The following ATF7IP variants were observed in gnomAD, a reference collection of about 807,000 sequenced individuals.
ATF7IP encodes activating transcription factor 7-interacting protein 1.
A neutral mutation model predicts 106.4 loss-of-function variants in ATF7IP; 23 were observed. The observed-to-expected ratio is 0.22, with a 90% CI of 0.16 to 0.31. ATF7IP has a LOEUF of 0.31. Among genes scored for constraint, ATF7IP ranks in the 10% least tolerant of loss-of-function variants. ATF7IP has a pLI of 1.00. For missense variants in ATF7IP, 1,334 were observed against 1,524.3 expected, an observed-to-expected ratio of 0.88 and a Z score of 2.08; for synonymous variants, 542 against 539.0, an observed-to-expected ratio of 1.01 and a Z score of -0.08.
At chr12:14,375,671 C>CTTT (rs1938710809) in intron 1 of ATF7IP, among the ~76,000 whole-genome samples, 1 of 152,172 alleles carries the variant, frequency 6.6e-6, no homozygotes, top group Non-Finnish European at 1.5e-5. Context: ...TGTCTCCTCT[C>CTTT]AGTGTTCTTT....
intron 1 of ATF7IP, among the ~76,000 whole-genome samples, chr12:14,407,491 T>A (rs976851368): frequency 6.6e-6 from 1 of 152,124 alleles, no homozygotes; most frequent in Non-Finnish European, 1.5e-5. Context: ...TTGTTTGACA[T>A]CTTTAGGAAT....
At chr12:14,369,354 TTTA>T (rs1444596618) in intron 1 of ATF7IP, 1 of 152,266 alleles carries the variant, frequency 6.6e-6, no homozygotes, top group South Asian at 2.1e-4. Flanking sequence ...TGTATTTTAT[TTTA>T]TTATTATTGT....
intron 3 of ATF7IP, among the ~76,000 whole-genome samples, chr12:14,435,082 TGAGA>T (rs1046740186): frequency 6.7e-6 from 1 of 148,534 alleles, no homozygotes; most frequent in Non-Finnish European, 1.5e-5. Context: ...AGTGACACCT[TGAGA>T]GAGAGAGAGA....
chr12:14,436,188 A>G lies in ATF7IP; in HGVS notation c.1728A>G (p.Glu576=). Residue 576 remains glutamate, a synonymous_variant, in exon 4 of 15, where the codon GAA becomes GAG. Coordinates refer to ENST00000261168, the MANE Select transcript of ATF7IP (RefSeq NM_018179.5). ...QSKRRRYMEE[E]YEAEFQVKIT... Reference sequence around the variant, plus strand: ...AACGTCGTCGATATATGGAAGAAGAATATGAGGCAGAATTTCAAGTAAAGA... The same window carrying G: ...AACGTCGTCGATATATGGAAGAAGAGTATGAGGCAGAATTTCAAGTAAAGA... 1 of 1,613,838 alleles carries G rather than the reference A, an allele frequency of 6.2e-7. No homozygotes were observed. Among genetic ancestry groups the G allele is most frequent in the Non-Finnish European group, 8.5e-7 (1 of 1,179,832 alleles).
At chr12:14,419,080 G>T (rs1591822564) in intron 1 of ATF7IP, 2 of 152,120 alleles carry the variant, frequency 1.3e-5, no homozygotes, top group East Asian at 1.9e-4. Context: ...GATGGTGATG[G>T]TTATACCATT....
rs1941739100 is a variant in ATF7IP, at chr12:14,424,627, G to A, written c.712G>A (p.Asp238Asn). 6.2e-7 allele frequency: 1 copy of A among 1,613,986 alleles called. No homozygotes were observed. The highest frequency in any genetic ancestry group is 1.3e-5 in the African/African-American group (1 of 74,886). The change falls in exon 2 of 15, where the codon GAT becomes AAT. Residue 238 changes from aspartate to asparagine, a missense_variant. Around this residue, in one of 10 missense-constraint regions of ATF7IP, gnomAD observed 438 missense variants for 405.3 expected, o/e 1.08. Coordinates refer to ENST00000261168, the MANE Select transcript of ATF7IP (RefSeq NM_018179.5). The stretch of plus-strand genomic sequence containing the variant: ...AGCCTCTAGTGAAATAACTTCTGTT[G>A]ATCTGGCTTCTGGAGCACCAGCTTC... ...DIASSEITSV[D>N]LASGAPASTD...
In ATF7IP at chr12:14,447,042, A is replaced by G. The variant is rs770819685; in HGVS notation, c.1984A>G (p.Lys662Glu). Residue 662 changes from lysine (K) to glutamate (E), a missense_variant, in exon 6 of 15, where the codon AAA (lysine) becomes GAA (glutamate). Coordinates refer to ENST00000261168, the MANE Select transcript of ATF7IP (RefSeq NM_018179.5). Reference protein sequence around the residue: ...RFEAAKEDLKKRHEHPPNPPV... With the variant: ...RFEAAKEDLKERHEHPPNPPV... ...TGAAGCAGCCAAAGAAGATCTTAAG[A>G]AAAGACATGAAGTAAAATTTTTCTA... is the stretch of plus-strand genomic sequence containing the variant. 6.3e-7 allele frequency: 1 copy of G among 1,595,612 alleles called. No homozygotes were observed. The highest frequency in any genetic ancestry group is 8.5e-7 in the Non-Finnish European group (1 of 1,173,284).
intron 7 of ATF7IP, 33 bp from the exon 8 acceptor site, chr12:14,457,174 T>G: frequency 6.5e-7 from 1 of 1,534,404 alleles, no homozygotes; most frequent in Non-Finnish European, 9.0e-7. Flanking sequence ...GTGGCATATC[T>G]ATTGACTATT....
chr12:14,378,382 G>T (rs778128160), intron 1 of ATF7IP, among the ~76,000 whole-genome samples: 8 of 152,196 alleles, frequency 5.3e-5, no homozygotes, highest in Non-Finnish European at 8.8e-5. Flanking sequence ...ACAGGCGTGA[G>T]TCACCATGCC....
chr12:14,410,118 A>T (rs1471590746), intron 1 of ATF7IP, among the ~76,000 whole-genome samples: 2 of 152,148 alleles, frequency 1.3e-5, no homozygotes, highest in African/African-American at 4.8e-5. Context: ...TTGGTAAGCC[A>T]CTTTCTGTCT....
At chr12:14,496,487 G>C (rs1945017238) in intron 14 of ATF7IP, 144 bp downstream of exon 14, 1 of 597,484 alleles carries the variant, frequency 1.7e-6, no homozygotes, top group African/African-American at 1.9e-5. Context: ...TCTAAAAATT[G>C]ATCTTACCAT....
intron 13 of ATF7IP, among the ~76,000 whole-genome samples, chr12:14,494,455 A>G (rs1035718269): frequency 5.8e-4 from 84 of 145,422 alleles, no homozygotes; most frequent in Non-Finnish European, 1.4e-4. Flanking sequence ...TTAAACTAAT[A>G]GGGTATATAC....
chr12:14,414,400 T>C (rs1941087386), intron 1 of ATF7IP, among the ~76,000 whole-genome samples: 1 of 152,236 alleles, frequency 6.6e-6, no homozygotes, highest in Non-Finnish European at 1.5e-5. Flanking sequence ...ACAGGCTGCA[T>C]AGAGCCCAGG....
chr12:14,366,533 C>T (rs1172334526), intron 1 of ATF7IP, among the ~76,000 whole-genome samples: 1 of 152,150 alleles, frequency 6.6e-6, no homozygotes, highest in Admixed American at 6.6e-5. Context: ...AATGAAATCT[C>T]AATCTGAGGA....
At chr12:14,437,623 T>A (rs1350496196) in intron 4 of ATF7IP, among the ~76,000 whole-genome samples, 4 of 152,220 alleles carry the variant, frequency 2.6e-5, no homozygotes, top group Non-Finnish European at 1.5e-5. Flanking sequence ...AATTTTCTAT[T>A]TTTAGTATGT....
At chr12:14,397,580 T>C (rs1939919827) in intron 1 of ATF7IP, among the ~76,000 whole-genome samples, 1 of 152,180 alleles carries the variant, frequency 6.6e-6, no homozygotes, top group Non-Finnish European at 1.5e-5. Flanking sequence ...AAGTTGCCTT[T>C]CATTACTTTT....
In ATF7IP at chr12:14,424,589, C is replaced by T; in HGVS notation, c.674C>T (p.Ala225Val). The T allele has an allele frequency of 4.3e-6, 7 of 1,614,118 alleles. No individual in the cohort carries two copies. The highest frequency in any genetic ancestry group is 5.9e-6 in the Non-Finnish European group (7 of 1,180,026). Residue 225 changes from alanine to valine, a missense_variant, in exon 2 of 15, where the codon GCC becomes GTC. This residue lies in a region of ATF7IP where 438 missense variants were observed against 405.3 expected (regional missense o/e 1.08). Transcript: ENST00000261168. ...GTTGAACCCATTTCTGGTGATTGTG[C>T]CGCTGATGATATAGCCTCTAGTGAA... is the stretch of plus-strand genomic sequence containing the variant. ...VPVEPISGDC[A>V]ADDIASSEIT...
chr12:14,393,115 A>G lies in ATF7IP; in HGVS notation c.-8+27288A>G, dbSNP rs182049991. On this transcript the variant is annotated intron_variant, in intron 1 of 14. Transcript: ENST00000261168. ...ATTTGGCTTAGAAATACTTACATCC[A>G]TGTTATTTACACTATATTTTATGTT... 7.2e-5 allele frequency among the ~76,000 whole-genome samples: 11 copies of G among 152,298 alleles called. No individual in the cohort carries two copies. The East Asian group carries it at 1.9e-3, about 27-fold the overall frequency.
intron 1 of ATF7IP, among the ~76,000 whole-genome samples, chr12:14,375,317 T>C (rs1938694512): frequency 6.6e-6 from 1 of 152,026 alleles, no homozygotes; most frequent in Non-Finnish European, 1.5e-5. Context: ...AAATAATAAA[T>C]AGTTGCTTTT....
Sources: gnomAD v4.1 joint callset for allele counts (sites outside exome capture counted in the v4.1 genomes callset) on GRCh38, gnomAD v4.1.1 for gene constraint, gnomAD v4.1.1 regional missense constraint, MANE v1.5 for transcripts, NCBI Gene and HGNC (gene_info 2026-07-23, HGNC 2026-07-21) for gene names.